Variants in ATXN7L1 observed in about 807,000 individuals in gnomAD.
The protein encoded by ATXN7L1 is ataxin-7-like protein 1.
A neutral mutation model predicts 70.8 loss-of-function variants in ATXN7L1; 15 were observed. The observed-to-expected ratio is 0.21, with a 90% CI of 0.14 to 0.33. The LOEUF is 0.33. Among genes scored for constraint, ATXN7L1 ranks in the 10% least tolerant of loss-of-function variants. The pLI is 1.00. For missense variants in ATXN7L1, 975 were observed against 1,097.1 expected, an observed-to-expected ratio of 0.89 and a Z score of 1.57; for synonymous variants, 440 against 445.1, an observed-to-expected ratio of 0.99 and a Z score of 0.14.
At chr7:105,789,819 C>T (rs972320427) in intron 2 of ATXN7L1, among the ~76,000 whole-genome samples, 4 of 152,010 alleles carry the variant, frequency 2.6e-5, no homozygotes, top group African/African-American at 9.7e-5. Context: ...GTTAAAAGAT[C>T]AGTTACGTGG....
intron 2 of ATXN7L1, among the ~76,000 whole-genome samples, chr7:105,790,316 T>A (rs1270375066): frequency 6.6e-6 from 1 of 152,188 alleles, no homozygotes; most frequent in East Asian, 1.9e-4. Flanking sequence ...GTGAATTATA[T>A]CTCAGCTGGG....
intron 3 of ATXN7L1, among the ~76,000 whole-genome samples, chr7:105,733,503 C>CATCCATCCATCCATCCA (rs200115510): frequency 8.1e-6 from 1 of 124,218 alleles, no homozygotes; most frequent in African/African-American, 3.4e-5. Flanking sequence ...CCCATCCATC[C>CATCCATCCATCCATCCA]TTCCATCCAT....
chr7:105,719,331 A>G (rs1052158296), intron 3 of ATXN7L1, among the ~76,000 whole-genome samples: 5 of 152,178 alleles, frequency 3.3e-5, no homozygotes, highest in African/African-American at 1.2e-4. Flanking sequence ...TACAGGGTCT[A>G]GTTCAAGGAC....
intron 2 of ATXN7L1, among the ~76,000 whole-genome samples, chr7:105,865,447 G>A (rs908898675): frequency 6.6e-6 from 1 of 151,448 alleles, no homozygotes; most frequent in Non-Finnish European, 1.5e-5. Flanking sequence ...TGTTGCCCAG[G>A]CTGGGGTGCA....
intron 9 of ATXN7L1, among the ~76,000 whole-genome samples, chr7:105,616,887 C>T (rs2115756940): frequency 6.6e-6 from 1 of 152,292 alleles, no homozygotes; most frequent in Middle Eastern, 3.4e-3. Context: ...TTCCTTGACT[C>T]AAGTTTGCTT....
chr7:105,627,104 C>T (rs1562916535), intron 7 of ATXN7L1, among the ~76,000 whole-genome samples: 1 of 152,210 alleles, frequency 6.6e-6, no homozygotes, highest in Admixed American at 6.5e-5. Flanking sequence ...AACAGGCTCT[C>T]TCTCTATGAA....
intron 3 of ATXN7L1, among the ~76,000 whole-genome samples, chr7:105,770,265 T>G (rs1801804858): frequency 1.3e-5 from 2 of 152,248 alleles, no homozygotes; most frequent in Non-Finnish European, 2.9e-5. Context: ...GGCAAATGAC[T>G]GAAATAGTTG....
chr7:105,659,422 G>A (rs1277274190), intron 4 of ATXN7L1, among the ~76,000 whole-genome samples: 1 of 152,216 alleles, frequency 6.6e-6, no homozygotes, highest in Non-Finnish European at 1.5e-5. Flanking sequence ...CTACTGGGCA[G>A]GAGGAAGACA....
intron 2 of ATXN7L1, among the ~76,000 whole-genome samples, chr7:105,867,393 G>A (rs989867316): frequency 9.9e-5 from 15 of 152,228 alleles, no homozygotes; most frequent in African/African-American, 3.1e-4. Flanking sequence ...TTTTGACATC[G>A]GGGGCCACTG....
intron 3 of ATXN7L1, among the ~76,000 whole-genome samples, chr7:105,701,018 A>G (rs1792391478): frequency 6.6e-6 from 1 of 152,158 alleles, no homozygotes; most frequent in South Asian, 2.1e-4. Context: ...CCTAGTGTAC[A>G]CTTTAACTGT....
chr7:105,610,812 G>A (rs532418877), intron 10 of ATXN7L1, among the ~76,000 whole-genome samples: 1 of 152,328 alleles, frequency 6.6e-6, no homozygotes, highest in South Asian at 2.1e-4. Context: ...CTTCCCAGAG[G>A]AAAAGTAGAA....
intron 3 of ATXN7L1, among the ~76,000 whole-genome samples, chr7:105,676,669 G>A (rs1464479540): frequency 6.6e-6 from 1 of 152,082 alleles, no homozygotes; most frequent in Non-Finnish European, 1.5e-5. Flanking sequence ...GGAAAACTCC[G>A]TCTCTACTAA....
At chr7:105,692,376 TC>T (rs1319676086) in intron 3 of ATXN7L1, among the ~76,000 whole-genome samples, 2 of 84,004 alleles carry the variant, frequency 2.4e-5, no homozygotes, top group African/African-American at 9.9e-5. Flanking sequence ...TTTCTTTCCT[TC>T]CTTCCTTCCT....
At chr7:105,775,847 T>C (rs994454489) in intron 3 of ATXN7L1, among the ~76,000 whole-genome samples, 3 of 152,314 alleles carry the variant, frequency 2.0e-5, no homozygotes, top group Admixed American at 6.5e-5. Flanking sequence ...GTGACTCCAA[T>C]GTGAAATAGA....
rs1584363329 is a variant in ATXN7L1 at position 105,624,350 on chromosome 7, T to C, written c.1203-83A>G. 6.4e-6 allele frequency: 8 copies of C among 1,248,778 alleles called. No individual in the cohort carries two copies. The East Asian group carries it at 2.5e-4, about 39-fold the overall frequency. The allele number at this position is 1,248,778 out of a possible 1,614,324, so 77.4% of individuals were successfully genotyped here. ...CAAGATCCACCCAGTTTAATGGTGC[T>C]CAGAAAACAGCCTGATTAAGGCCAG... On this transcript the variant is annotated intron_variant, in intron 7 of 11. Transcript: ENST00000419735.
chr7:105,783,119 A>C (rs952274650), intron 3 of ATXN7L1, among the ~76,000 whole-genome samples: 7 of 152,210 alleles, frequency 4.6e-5, no homozygotes, highest in African/African-American at 1.7e-4. Context: ...GAAGGCTCAG[A>C]AGGTCATATA....
At chr7:105,823,278 G>A (rs1424036237) in intron 2 of ATXN7L1, among the ~76,000 whole-genome samples, 1 of 152,062 alleles carries the variant, frequency 6.6e-6, no homozygotes, top group African/African-American at 2.4e-5. Flanking sequence ...AGGCTATTCC[G>A]GTGCTTTGCA....
chr7:105,740,777 T>TG (rs2116359039), intron 3 of ATXN7L1, among the ~76,000 whole-genome samples: 1 of 106,804 alleles, frequency 9.4e-6, no homozygotes, highest in East Asian at 5.1e-4. Flanking sequence ...TCATTTTTTT[T>TG]TTTTTTTAAT....
chr7:105,843,543 G>C (rs1294209068), intron 2 of ATXN7L1, among the ~76,000 whole-genome samples: 2 of 152,242 alleles, frequency 1.3e-5, no homozygotes, highest in Non-Finnish European at 2.9e-5. Context: ...AAGGCTGACT[G>C]ATGTGTGAGC....
Sources: gnomAD v4.1 joint callset for allele counts (sites outside exome capture counted in the v4.1 genomes callset) on GRCh38, gnomAD v4.1.1 for gene constraint, MANE v1.5 for transcripts, NCBI Gene and HGNC (gene_info 2026-07-23, HGNC 2026-07-21) for gene names.